Variants in SHANK2 observed in about 807,000 individuals in gnomAD.
SHANK2 encodes SH3 and multiple ankyrin repeat domains protein 2.
Under a neutral mutation model 133.7 loss-of-function variants are expected in SHANK2, and 43 were observed. The ratio of observed to expected loss-of-function variants is 0.32; its 90% CI spans 0.25 to 0.41. The LOEUF is 0.41. Among genes scored for constraint, SHANK2 ranks in the 10% least tolerant of loss-of-function variants. The pLI is 1.00. For synonymous variants in SHANK2, 1,017 were observed against 952.8 expected (o/e 1.07, Z -1.24); for missense variants, 1,994 against 2,235.8 (o/e 0.89, Z 2.18).
chr11:70,877,462 G>T (rs1479696658), intron 11 of SHANK2, among the ~76,000 whole-genome samples: 1 of 152,230 alleles, frequency 6.6e-6, no homozygotes, highest in African/African-American at 2.4e-5. Flanking sequence ...GCCTGGAACT[G>T]AATGAAGCCA....
At chr11:70,499,204 C>T (rs577416222) in intron 21 of SHANK2, among the ~76,000 whole-genome samples, 87 of 152,394 alleles carry the variant, frequency 5.7e-4, no homozygotes, top group African/African-American at 1.9e-3. Context: ...CAGCAACGCT[C>T]GGTGTCTTCA....
intron 12 of SHANK2, among the ~76,000 whole-genome samples, chr11:70,817,641 C>G (rs1048461473): frequency 6.6e-6 from 1 of 152,180 alleles, no homozygotes; most frequent in Non-Finnish European, 1.5e-5. Flanking sequence ...GCTCTAAGAA[C>G]CAATGTGGAA....
intron 17 of SHANK2, among the ~76,000 whole-genome samples, chr11:70,601,037 A>G (rs1263178990): frequency 2.0e-5 from 3 of 151,184 alleles, no homozygotes; most frequent in Non-Finnish European, 4.4e-5. Context: ...CTATATCTAT[A>G]TCTATATCTA....
rs150554331 is a variant in SHANK2 at position 70,607,208 on chromosome 11, T to C, written c.2061+52620A>G. On this transcript the variant is annotated intron_variant, in intron 17 of 25. Transcript: ENST00000601538. Reference sequence around the variant, plus strand: ...CTGGGAAGAATGTGGCTCCGGGGTCTGGGTACTGCAGATTGCCCAGGTCAC... The same window carrying C: ...CTGGGAAGAATGTGGCTCCGGGGTCCGGGTACTGCAGATTGCCCAGGTCAC... Among the ~76,000 whole-genome samples the C allele has an allele frequency of 2.9e-3, 446 of 152,326 alleles. 1 individual carries two copies. Among genetic ancestry groups the C allele is most frequent in the African/African-American group, 0.01 (426 of 41,586 alleles).
chr11:70,730,833 T>A (rs1325505348), intron 14 of SHANK2, among the ~76,000 whole-genome samples: 7 of 151,072 alleles, frequency 4.6e-5, no homozygotes, highest in South Asian at 4.2e-4. Context: ...TTTCTTTTTT[T>A]TTTTTTTTTT....
At chr11:70,864,079 C>T (rs1949308563) in intron 11 of SHANK2, 1 of 323,936 alleles carries the variant, frequency 3.1e-6, no homozygotes, top group African/African-American at 2.2e-5. Flanking sequence ...AGAAAGGGAC[C>T]CTCCAGTTCG....
chr11:70,755,685 A>AC (rs1409838098), intron 14 of SHANK2, among the ~76,000 whole-genome samples: 1 of 150,218 alleles, frequency 6.7e-6, no homozygotes, highest in Non-Finnish European at 1.5e-5. Flanking sequence ...TCGGCTCCGC[A>AC]CCCCGCGGCT....
chr11:70,847,677 C>T (rs1359205810), intron 11 of SHANK2, among the ~76,000 whole-genome samples: 6 of 152,362 alleles, frequency 3.9e-5, no homozygotes, highest in Admixed American at 3.3e-4. Context: ...TCTCAATTCA[C>T]TCCACTCAGG....
intron 11 of SHANK2, among the ~76,000 whole-genome samples, chr11:70,877,415 A>G (rs758204819): frequency 3.3e-5 from 5 of 151,738 alleles, no homozygotes; most frequent in Non-Finnish European, 4.4e-5. Flanking sequence ...CTGCTGTTCT[A>G]TTCTTTGGCA....
intron 6 of SHANK2, among the ~76,000 whole-genome samples, chr11:71,101,824 C>A (rs1951720509): frequency 6.6e-6 from 1 of 152,202 alleles, no homozygotes; most frequent in African/African-American, 2.4e-5. Flanking sequence ...CTCCCCGTGA[C>A]ACAGCTACAG....
intron 2 of SHANK2, among the ~76,000 whole-genome samples, chr11:71,173,962 C>T (rs1555112677): frequency 6.6e-6 from 1 of 152,218 alleles, no homozygotes; most frequent in African/African-American, 2.4e-5. Context: ...TTTCAGACTT[C>T]TGACCTCCAG....
chr11:70,631,478 C>T (rs782574486), intron 17 of SHANK2, among the ~76,000 whole-genome samples: 6 of 152,050 alleles, frequency 3.9e-5, no homozygotes, highest in Non-Finnish European at 7.4e-5. Context: ...CTCTTGGTAT[C>T]CACCTTCTCC....
At chr11:70,811,886 A>G (rs1555053288) in intron 12 of SHANK2, among the ~76,000 whole-genome samples, 3 of 152,170 alleles carry the variant, frequency 2.0e-5, no homozygotes, top group Non-Finnish European at 2.9e-5. Context: ...CTGAACATCT[A>G]TTCACTCATC....
At chr11:71,128,826 C>T (rs577468180) in intron 3 of SHANK2, among the ~76,000 whole-genome samples, 100 of 152,286 alleles carry the variant, frequency 6.6e-4, no homozygotes, top group African/African-American at 2.3e-3. Flanking sequence ...CACTCTTTCG[C>T]CAGGCTGGAG....
intron 14 of SHANK2, among the ~76,000 whole-genome samples, chr11:70,792,095 C>T (rs1947799188): frequency 6.6e-6 from 1 of 151,458 alleles, no homozygotes; most frequent in South Asian, 2.1e-4. Flanking sequence ...AACCAATCAG[C>T]CAGCCAGCTA....
chr11:71,079,848 A>C (rs1951270694), intron 8 of SHANK2, among the ~76,000 whole-genome samples: 1 of 86,732 alleles, frequency 1.2e-5, no homozygotes, highest in Non-Finnish European at 2.3e-5. Flanking sequence ...AGGGGAAGGA[A>C]GGGGAGGGGA....
At chr11:70,852,987 A>C (rs546604373) in intron 11 of SHANK2, among the ~76,000 whole-genome samples, 1 of 152,232 alleles carries the variant, frequency 6.6e-6, no homozygotes, top group Non-Finnish European at 1.5e-5. Context: ...CCAGTGGGCC[A>C]CGTGGGAAGT....
At chr11:70,645,785 T>C (rs1382307920) in intron 17 of SHANK2, among the ~76,000 whole-genome samples, 1 of 151,924 alleles carries the variant, frequency 6.6e-6, no homozygotes, top group Non-Finnish European at 1.5e-5. Flanking sequence ...GAGTCCAGCA[T>C]CGGGGTGGCC....
chr11:70,697,282 T>G (rs888388339), intron 15 of SHANK2, among the ~76,000 whole-genome samples: 5 of 152,236 alleles, frequency 3.3e-5, no homozygotes, highest in African/African-American at 9.6e-5. Context: ...ATATTACATG[T>G]ATTTTACCAC....
Sources: allele counts gnomAD v4.1 joint callset (sites outside exome capture counted in the v4.1 genomes callset), GRCh38; gene constraint gnomAD v4.1.1; transcripts MANE v1.5; gene names NCBI Gene and HGNC (gene_info 2026-07-23, HGNC 2026-07-21).